RGS7: variants seen among roughly 807,000 people sequenced by gnomAD.
RGS7 encodes the protein regulator of G-protein signaling 7.
Under a neutral mutation model 81.1 loss-of-function variants are expected in RGS7, and 27 were observed. That is an observed-to-expected ratio of 0.33 (90% confidence interval 0.25 to 0.46). RGS7 has a LOEUF of 0.46. RGS7 is among the 20% of genes least tolerant of loss of function. The pLI is 1.00. For missense variants in RGS7, 396 were observed against 607.4 expected (o/e 0.65, Z 3.66); for synonymous variants, 208 against 207.7 (o/e 1.00, Z -0.01).
At chr1:241,042,132 T>C (rs931313539) in intron 3 of RGS7, among the ~76,000 whole-genome samples, 5 of 152,208 alleles carry the variant, frequency 3.3e-5, no homozygotes, top group African/African-American at 1.2e-4. Context: ...TGGCTGCGAT[T>C]CCTTCCAAAA....
At chr1:241,168,349 C>T (rs2070436851) in intron 2 of RGS7, among the ~76,000 whole-genome samples, 1 of 152,074 alleles carries the variant, frequency 6.6e-6, no homozygotes, top group Non-Finnish European at 1.5e-5. Context: ...TTATCTATAT[C>T]TCATGGATAA....
chr1:241,334,902 G>A (rs1438741963), intron 2 of RGS7, among the ~76,000 whole-genome samples: 2 of 152,098 alleles, frequency 1.3e-5, no homozygotes, highest in African/African-American at 2.4e-5. Flanking sequence ...ATTAAATTAT[G>A]ACATATTAGA....
chr1:240,868,818 C>G lies in RGS7; in HGVS notation c.485G>C (p.Arg162Pro), dbSNP rs765867861. ...TTGCATGAAAATGAACTCCCACTTC[C>G]GGGCAAATGCTCTCTGCAGCCTGGC... ...SLARLQRAFA[R>P]KWEFIFMQAE... The change falls in exon 8 of 19, where the codon CGG (arginine) becomes CCG (proline). Residue 162 changes from arginine to proline, a missense_variant. Transcript: ENST00000440928. The surrounding 1 kb of genome is among the most constrained non-coding windows in gnomAD (Gnocchi z 5.1). 2.5e-6 allele frequency: 4 copies of G among 1,613,990 alleles called. No individual in the cohort carries two copies. The highest frequency in any genetic ancestry group is 3.4e-6 in the Non-Finnish European group (4 of 1,179,984).
At chr1:240,938,873 A>G (rs1345976326) in intron 4 of RGS7, among the ~76,000 whole-genome samples, 1 of 151,104 alleles carries the variant, frequency 6.6e-6, no homozygotes. Flanking sequence ...ACATCCTTTC[A>G]GTTCAAAGTC....
chr1:240,914,648 T>C (rs1452194570), intron 6 of RGS7, among the ~76,000 whole-genome samples: 2 of 152,126 alleles, frequency 1.3e-5, no homozygotes, highest in East Asian at 1.9e-4. Context: ...AAAAACAACA[T>C]AGTCATGCTT....
chr1:241,113,076 AG>A (rs2065645625), intron 2 of RGS7, among the ~76,000 whole-genome samples: 1 of 152,196 alleles, frequency 6.6e-6, no homozygotes, highest in Admixed American at 6.5e-5. Context: ...CAAAATCCCA[AG>A]GCAAAGTAGG....
chr1:241,082,945 C>T lies in RGS7; in HGVS notation c.175+15721G>A, dbSNP rs577696141. On this transcript the variant is annotated intron_variant, in intron 3 of 18. Coordinates refer to ENST00000440928, the MANE Select transcript of RGS7 (RefSeq NM_001364886.1). ...CTATTAGAAAAAGAATTATATTAGG[C>T]TGGGTGCAGTGGCTCATGCCTGTAA... Among the ~76,000 whole-genome samples, 4 of 152,258 alleles carry T rather than the reference C, an allele frequency of 2.6e-5. No individual in the cohort carries two copies. The South Asian group carries it at 8.3e-4, about 32-fold the overall frequency.
chr1:241,337,152 T>C (rs140952407), intron 2 of RGS7, among the ~76,000 whole-genome samples: 26 of 152,278 alleles, frequency 1.7e-4, no homozygotes, highest in African/African-American at 5.8e-4. Flanking sequence ...TACTGGACTG[T>C]TAGGAAAATC....
At chr1:241,147,818 ATG>A (rs1553268795) in intron 2 of RGS7, among the ~76,000 whole-genome samples, 6 of 133,796 alleles carry the variant, frequency 4.5e-5, no homozygotes, top group African/African-American at 1.6e-4. Context: ...ATATATATAT[ATG>A]TAAGAATCAA....
At chr1:241,024,128 G>A (rs748751725) in intron 3 of RGS7, among the ~76,000 whole-genome samples, 6 of 152,210 alleles carry the variant, frequency 3.9e-5, no homozygotes, top group African/African-American at 9.7e-5. Context: ...ATCCAGGACT[G>A]TAACCCAGGC....
At chr1:241,168,467 C>T (rs12126270) in intron 2 of RGS7, among the ~76,000 whole-genome samples, 18,276 of 152,096 alleles carry the variant, frequency 0.12, 1,518 homozygotes, top group East Asian at 0.36. Context: ...CCATGATTCC[C>T]GCCCCAGCAT....
At chr1:241,195,824 G>T (rs988971687) in intron 2 of RGS7, among the ~76,000 whole-genome samples, 1 of 151,848 alleles carries the variant, frequency 6.6e-6, no homozygotes, top group Admixed American at 6.6e-5. Flanking sequence ...AGAAAATAAA[G>T]AAAAGAGCAT....
chr1:240,941,704 T>G lies in RGS7; in HGVS notation c.227-4998A>C, dbSNP rs560070716. Among the ~76,000 whole-genome samples, 3 of 152,022 alleles carry G rather than the reference T, an allele frequency of 2.0e-5. No individual in the cohort carries two copies. In the East Asian group the frequency reaches 5.8e-4, roughly 29 times the overall value. On this transcript the variant is annotated intron_variant, in intron 4 of 18. Transcript: ENST00000440928. ...GGCAGTATTCTCAAGACAGACTTGT[T>G]TATTGTTAGGGACAAACATGGTGCC...
chr1:240,832,135 C>T (rs768670023), intron 9 of RGS7, among the ~76,000 whole-genome samples: 5 of 152,090 alleles, frequency 3.3e-5, no homozygotes, highest in East Asian at 1.9e-4. Flanking sequence ...TCGTGAAATT[C>T]GTAAAATTGG....
intron 2 of RGS7, among the ~76,000 whole-genome samples, chr1:241,241,370 G>T (rs1451338328): frequency 2.0e-5 from 3 of 151,866 alleles, no homozygotes; most frequent in Non-Finnish European, 4.4e-5. Flanking sequence ...AATTACTTTT[G>T]CACCAACTAG....
At chr1:240,917,870 T>A (rs1672854413) in intron 6 of RGS7, among the ~76,000 whole-genome samples, 1 of 152,114 alleles carries the variant, frequency 6.6e-6, no homozygotes, top group Non-Finnish European at 1.5e-5. Flanking sequence ...AGAAGAAACT[T>A]GCTTTAAATA....
In RGS7 at chr1:240,811,907, A is replaced by T; in HGVS notation, c.1082+11T>A. 3 of 1,605,966 alleles carry T rather than the reference A, an allele frequency of 1.9e-6. No individual in the cohort carries two copies. In the South Asian group the frequency reaches 3.3e-5, roughly 18 times the overall value. On this transcript the variant is annotated intron_variant, in intron 14 of 18. Coordinates refer to ENST00000440928, the MANE Select transcript of RGS7 (RefSeq NM_001364886.1). Reference sequence around the variant, plus strand: ...TTCTCTGGCTTATAAGATCCAAGCAATGTGTTTTACCTTAAATTTTCCGAG... The same window carrying T: ...TTCTCTGGCTTATAAGATCCAAGCATTGTGTTTTACCTTAAATTTTCCGAG...
intron 6 of RGS7, among the ~76,000 whole-genome samples, chr1:240,891,495 A>T (rs965057498): frequency 3.9e-5 from 6 of 152,208 alleles, no homozygotes; most frequent in Non-Finnish European, 7.3e-5. Context: ...TTCAAGCTAT[A>T]TTTAAAATAT....
intron 2 of RGS7, among the ~76,000 whole-genome samples, chr1:241,302,317 AG>A (rs1351677670): frequency 2.0e-5 from 3 of 152,144 alleles, no homozygotes; most frequent in African/African-American, 7.2e-5. Context: ...TGGGAGGCCG[AG>A]GTGGGTGGAT....
Sources: gnomAD v4.1 joint callset for allele counts (sites outside exome capture counted in the v4.1 genomes callset) on GRCh38, gnomAD v4.1.1 for gene constraint, Gnocchi (gnomAD v3.1) non-coding constraint, MANE v1.5 for transcripts, NCBI Gene and HGNC (gene_info 2026-07-23, HGNC 2026-07-21) for gene names.